USP3: variants seen among roughly 807,000 people sequenced by gnomAD.
USP3 encodes ubiquitin carboxyl-terminal hydrolase 3.
A neutral mutation model predicts 72.3 loss-of-function variants in USP3; 20 were observed. The ratio of observed to expected loss-of-function variants is 0.28; its 90% CI spans 0.19 to 0.40. The LOEUF (loss-of-function observed/expected upper bound fraction) is 0.40. Ranked by LOEUF, USP3 falls within the 10% of genes least tolerant of loss-of-function variation. USP3 has a pLI of 1.00. For synonymous variants in USP3, 222 were observed against 225.3 expected (o/e 0.99, Z 0.13); for missense variants, 479 against 633.9 (o/e 0.76, Z 2.62).
At chr15:63,520,224 T>A (rs1031559726) in intron 1 of USP3, among the ~76,000 whole-genome samples, 3 of 152,198 alleles carry the variant, frequency 2.0e-5, no homozygotes, top group Non-Finnish European at 2.9e-5. Flanking sequence ...TACAATTTCA[T>A]TCAACACCAC....
chr15:63,531,832 A>G (rs1283466808), intron 1 of USP3, among the ~76,000 whole-genome samples: 1 of 152,152 alleles, frequency 6.6e-6, no homozygotes, highest in Non-Finnish European at 1.5e-5. Context: ...TGTATTAGGA[A>G]GTCACCTGGG....
chr15:63,553,927 A>G lies in USP3; in HGVS notation c.368+129A>G. On this transcript the variant is annotated intron_variant, in intron 4 of 14. Coordinates refer to ENST00000380324, the MANE Select transcript of USP3 (RefSeq NM_006537.4). This position sits in a 1 kb window ranked among gnomAD's most constrained non-coding sequence, Gnocchi z 4.2. ...TTTATAATATGATTGAAATGTTAATAAAATAAACCTTGGCTTTGGATAGCT... is the reference window on the plus strand; with the variant it reads ...TTTATAATATGATTGAAATGTTAATGAAATAAACCTTGGCTTTGGATAGCT... The G allele has an allele frequency of 1.5e-6, 1 of 683,470 alleles. No individual in the cohort carries two copies. The highest frequency in any genetic ancestry group is 2.3e-6 in the Non-Finnish European group (1 of 437,432). The allele number at this position is 683,470 out of a possible 1,614,324, so 42.3% of individuals were successfully genotyped here.
intron 3 of USP3, 78 bp downstream of exon 3, chr15:63,537,234 T>G: frequency 2.7e-6 from 4 of 1,488,800 alleles, no homozygotes; most frequent in Non-Finnish European, 3.6e-6. Flanking sequence ...CCTCAGTCTC[T>G]AAGCCAGTTA....
At chr15:63,530,328 T>C (rs2066051477) in intron 1 of USP3, among the ~76,000 whole-genome samples, 1 of 144,768 alleles carries the variant, frequency 6.9e-6, no homozygotes, top group Admixed American at 6.9e-5. Flanking sequence ...ACATCCATCT[T>C]TTTTTTTTTT....
Position 63,574,069 on chromosome 15 carries a change from C to T in USP3, c.932C>T (p.Thr311Met), listed in dbSNP as rs747289460. ...AGAAATGGAGCATCTACTGTTGTCA[C>T]GGCTATATTCGGAGGCATTCTCCAA... ...CCINGASTVV[T>M]AIFGGILQNE... The change falls in exon 10 of 15, where the codon ACG (threonine) becomes ATG (methionine). Residue 311 changes from threonine (T) to methionine (M), a missense_variant. By Grantham distance (81) the Thr-to-Met change is moderately conservative. Coordinates refer to ENST00000380324, the MANE Select transcript of USP3 (RefSeq NM_006537.4). The surrounding 1 kb of genome is among the most constrained non-coding windows in gnomAD (Gnocchi z 4.6). The T allele has an allele frequency of 1.9e-5, 30 of 1,592,764 alleles. No homozygotes were observed. Among genetic ancestry groups the T allele is most frequent in the African/African-American group, 5.4e-5 (4 of 74,568 alleles).
chr15:63,568,510 A>G (rs2066730372), intron 8 of USP3, among the ~76,000 whole-genome samples: 1 of 152,206 alleles, frequency 6.6e-6, no homozygotes, highest in Non-Finnish European at 1.5e-5. Context: ...TGTGTATACA[A>G]AACATAAACA....
At chr15:63,547,888 G>GAGAGAGGCATAGAGAGAGGCAT (rs1555446529) in intron 3 of USP3, among the ~76,000 whole-genome samples, 1 of 73,300 alleles carries the variant, frequency 1.4e-5, no homozygotes, top group Non-Finnish European at 2.9e-5. Context: ...GAGAGAGAGA[G>GAGAGAGGCATAGAGAGAGGCAT]AGAGAGAGGC....
chr15:63,569,117 T>C (rs2066740053), intron 8 of USP3, among the ~76,000 whole-genome samples: 1 of 152,126 alleles, frequency 6.6e-6, no homozygotes, highest in African/African-American at 2.4e-5. Context: ...GAGAATGAAA[T>C]TTTTTTGTAA....
At chr15:63,521,883 A>T (rs923303506) in intron 1 of USP3, among the ~76,000 whole-genome samples, 10 of 152,200 alleles carry the variant, frequency 6.6e-5, no homozygotes, top group Admixed American at 6.5e-4. Flanking sequence ...GATGGTTATG[A>T]ACTGTAGATC....
In USP3 at chr15:63,588,610, A is replaced by C; in HGVS notation, c.1216-92A>C. 1 of 1,051,260 alleles carries C rather than the reference A, an allele frequency of 9.5e-7. No individual in the cohort carries two copies. Among genetic ancestry groups the C allele is most frequent in the Non-Finnish European group, 1.4e-6 (1 of 697,660 alleles). 65.1% of individuals were successfully genotyped at this position (1,051,260 alleles called of 1,614,324 possible). A position where few individuals can be genotyped will look rare whatever the true frequency, so the allele number is the denominator to read the frequency against. ...GGAAGAATGATTGATAGGGCAGCTA[A>C]AATGTTATTTACTGAACTGATAGTA... On this transcript the variant is annotated intron_variant, in intron 12 of 14. Transcript: ENST00000380324. The surrounding 1 kb of genome is among the most constrained non-coding windows in gnomAD (Gnocchi z 4.6).
In USP3 at chr15:63,544,206, A is replaced by C. The variant is rs924086564; in HGVS notation, c.284+7050A>C. ...ATTGTATATATAATTTATTAATACA[A>C]ATATATACATATATATATAGAATAT... On this transcript the variant is annotated intron_variant, in intron 3 of 14. Coordinates refer to ENST00000380324, the MANE Select transcript of USP3 (RefSeq NM_006537.4). This position sits in a 1 kb window ranked among gnomAD's most constrained non-coding sequence, Gnocchi z 4.2. 3.4e-5 allele frequency: 5 copies of C among 148,656 alleles called. No homozygotes were observed. The highest frequency in any genetic ancestry group is 1.2e-4 in the African/African-American group (5 of 40,912). 9.2% of individuals were successfully genotyped at this position (148,656 alleles called of 1,614,324 possible).
intron 11 of USP3, among the ~76,000 whole-genome samples, chr15:63,579,261 C>T (rs2066914391): frequency 6.6e-6 from 1 of 152,164 alleles, no homozygotes; most frequent in Non-Finnish European, 1.5e-5. Flanking sequence ...CCAAATTACT[C>T]CCTACATTTA....
intron 8 of USP3, among the ~76,000 whole-genome samples, chr15:63,569,555 GATTA>G (rs770647082): frequency 6.6e-6 from 1 of 152,206 alleles, no homozygotes; most frequent in Non-Finnish European, 1.5e-5. Flanking sequence ...TAATGATTTA[GATTA>G]ATTAAAGAGA....
intron 5 of USP3, among the ~76,000 whole-genome samples, chr15:63,557,338 T>C (rs992716346): frequency 4.0e-5 from 6 of 151,600 alleles, no homozygotes; most frequent in African/African-American, 1.5e-4. Context: ...TCTTGGCCCA[T>C]TGCAACCTCA....
intron 11 of USP3, among the ~76,000 whole-genome samples, chr15:63,582,028 G>T (rs1395721622): frequency 6.6e-6 from 1 of 152,190 alleles, no homozygotes; most frequent in African/African-American, 2.4e-5. Context: ...GTTTATTGAA[G>T]AATTTGGAGA....
At position 63,594,064 on chromosome 15, in the gene USP3, A is replaced by C. The variant is rs988600296; in HGVS notation, c.*3238A>C. The C allele has an allele frequency of 6.6e-6, 1 of 152,320 alleles. No individual in the cohort carries two copies. The highest frequency in any genetic ancestry group is 2.4e-5 in the African/African-American group (1 of 41,456). 9.4% of individuals were successfully genotyped at this position (152,320 alleles called of 1,614,324 possible). A position where few individuals can be genotyped will look rare whatever the true frequency, so the allele number is the denominator to read the frequency against. On this transcript the variant is annotated 3_prime_UTR_variant, in exon 15 of 15. Transcript: ENST00000380324. Reference sequence around the variant, plus strand: ...GTGTACTGGCCCGGGGTGAGTGTTAAATGTGTATCTCGCCTGTGGAACCTA... The same window carrying C: ...GTGTACTGGCCCGGGGTGAGTGTTACATGTGTATCTCGCCTGTGGAACCTA...
intron 3 of USP3, among the ~76,000 whole-genome samples, chr15:63,547,936 C>G (rs969690515): frequency 2.1e-5 from 3 of 145,240 alleles, no homozygotes; most frequent in Non-Finnish European, 4.5e-5. Flanking sequence ...CCTGTAAGCC[C>G]AGCACTTTGG....
In USP3 at chr15:63,553,017, G is replaced by T. The variant is rs1595741577; in HGVS notation, c.285-698G>T. On this transcript the variant is annotated intron_variant, in intron 3 of 14. Transcript: ENST00000380324. This position sits in a 1 kb window ranked among gnomAD's most constrained non-coding sequence, Gnocchi z 4.2. ...ACAAGTTAAAGTTTATATTATGTGTGATTTCTTACATTATTTGCTTTTTGA... is the reference window on the plus strand; with the variant it reads ...ACAAGTTAAAGTTTATATTATGTGTTATTTCTTACATTATTTGCTTTTTGA... 6.6e-6 allele frequency among the ~76,000 whole-genome samples: 1 copy of T among 152,156 alleles called. No individual in the cohort carries two copies. The highest frequency in any genetic ancestry group is 1.9e-4 in the East Asian group (1 of 5,204).
Position 63,536,455 on chromosome 15 carries a change from A to G in USP3, c.153-570A>G, listed in dbSNP as rs528862150. Among the ~76,000 whole-genome samples the G allele has an allele frequency of 2.3e-3, 81 of 34,776 alleles. 1 individual carries two copies. Among genetic ancestry groups the G allele is most frequent in the African/African-American group, 6.2e-3 (73 of 11,752 alleles). 22.8% of individuals were successfully genotyped at this position (34,776 alleles called of 152,430 possible). On this transcript the variant is annotated intron_variant, in intron 2 of 14. Transcript: ENST00000380324. Reference sequence around the variant, plus strand: ...AAGTTGGGGGTTAGTGGTCTGAGAGAAAAAAAAAAAAAGCTATAGTGAAAG... The same window carrying G: ...AAGTTGGGGGTTAGTGGTCTGAGAGGAAAAAAAAAAAAGCTATAGTGAAAG...
Sources: gnomAD v4.1 joint callset for allele counts (sites outside exome capture counted in the v4.1 genomes callset) on GRCh38, gnomAD v4.1.1 for gene constraint, Gnocchi (gnomAD v3.1) non-coding constraint, MANE v1.5 for transcripts, NCBI Gene and HGNC (gene_info 2026-07-23, HGNC 2026-07-21) for gene names.